Variants in NRG1 observed in about 807,000 individuals in gnomAD.
NRG1 encodes the protein neuregulin 1.
NRG1 carries 18 observed loss-of-function variants against 63.8 expected under a neutral mutation model. That is an observed-to-expected ratio of 0.28 (90% CI 0.19 to 0.42). The LOEUF (loss-of-function observed/expected upper bound fraction) is 0.42, where lower values mean the gene tolerates loss of function less well. Ranked by LOEUF, NRG1 falls within the 10% of genes least tolerant of loss-of-function variation. The pLI is 1.00. For missense variants in NRG1, 762 were observed against 814.7 expected, an observed-to-expected ratio of 0.94 and a Z score of 0.79; for synonymous variants, 302 against 301.3, an observed-to-expected ratio of 1.00 and a Z score of -0.02.
chr8:31,725,831 G>T (rs1813376449), intron 1 of NRG1, among the ~76,000 whole-genome samples: 1 of 152,152 alleles, frequency 6.6e-6, no homozygotes, highest in African/African-American at 2.4e-5. Flanking sequence ...AGGGTGAAGA[G>T]ATTTTCTTCA....
At chr8:32,014,095 C>T (rs969131212) in intron 1 of NRG1, among the ~76,000 whole-genome samples, 1 of 152,088 alleles carries the variant, frequency 6.6e-6, no homozygotes, top group African/African-American at 2.4e-5. Flanking sequence ...TGAAGAAAGT[C>T]AATGGTAGCT....
intron 1 of NRG1, among the ~76,000 whole-genome samples, chr8:32,572,446 A>G (rs1158797104): frequency 6.6e-6 from 1 of 152,176 alleles, no homozygotes; most frequent in Non-Finnish European, 1.5e-5. Flanking sequence ...TTATTAAGCC[A>G]AAACTTCATT....
At chr8:32,167,394 G>A (rs7845358) in intron 1 of NRG1, among the ~76,000 whole-genome samples, 2,013 of 152,184 alleles carry the variant, frequency 0.013, 54 homozygotes, top group African/African-American at 0.045. Flanking sequence ...CATATTGCAG[G>A]CACTCTGCAA....
chr8:32,438,766 T>C (rs1241751305), intron 1 of NRG1, among the ~76,000 whole-genome samples: 1 of 152,204 alleles, frequency 6.6e-6, no homozygotes, highest in Non-Finnish European at 1.5e-5. Flanking sequence ...GGTTTTACTT[T>C]GCATTTCTTT....
exon 12 of NRG1, chr8:32,763,873 C>T: frequency 6.2e-7 from 1 of 1,614,110 alleles, no homozygotes; most frequent in Non-Finnish European, 8.5e-7. Context: ...TCCATGCCTT[C>T]CATGGCGGTC....
chr8:32,384,815 T>G (rs1810778029), intron 1 of NRG1, among the ~76,000 whole-genome samples: 1 of 152,200 alleles, frequency 6.6e-6, no homozygotes, highest in Non-Finnish European at 1.5e-5. Context: ...ATTCCCCAAG[T>G]AACTTAGTGA....
intron 1 of NRG1, among the ~76,000 whole-genome samples, chr8:32,489,312 T>A (rs992772535): frequency 6.6e-6 from 1 of 152,220 alleles, no homozygotes; most frequent in African/African-American, 2.4e-5. Flanking sequence ...ATTTGGCCTC[T>A]TAGTGCATAT....
intron 1 of NRG1, among the ~76,000 whole-genome samples, chr8:32,096,952 A>G (rs1829978562): frequency 6.6e-6 from 1 of 151,662 alleles, no homozygotes; most frequent in Non-Finnish European, 1.5e-5. Context: ...TATTCCTTCT[A>G]TCTAACTGTA....
At chr8:32,647,883 G>T in intron 5 of NRG1, 1 of 1,614,086 alleles carries the variant, frequency 6.2e-7, no homozygotes, top group South Asian at 1.1e-5. Flanking sequence ...GGGCCTGGCC[G>T]TGCCCTGCTG....
intron 1 of NRG1, among the ~76,000 whole-genome samples, chr8:32,504,400 G>A (rs1828283301): frequency 6.6e-6 from 1 of 152,050 alleles, no homozygotes; most frequent in South Asian, 2.1e-4. Context: ...AAACATGTTG[G>A]TTATATTTAA....
chr8:31,842,122 C>T (rs989599249), intron 1 of NRG1, among the ~76,000 whole-genome samples: 2 of 152,190 alleles, frequency 1.3e-5, no homozygotes, highest in African/African-American at 2.4e-5. Flanking sequence ...TTGATTTACC[C>T]AGGGACAGAA....
At chr8:32,094,141 A>G (rs1173647336) in intron 1 of NRG1, among the ~76,000 whole-genome samples, 1 of 152,210 alleles carries the variant, frequency 6.6e-6, no homozygotes, top group Non-Finnish European at 1.5e-5. Context: ...CGTTGGCTAC[A>G]TAATTATGAG....
At chr8:32,698,915 C>A (rs1040420895) in intron 5 of NRG1, among the ~76,000 whole-genome samples, 19 of 152,186 alleles carry the variant, frequency 1.2e-4, no homozygotes, top group African/African-American at 4.6e-4. Flanking sequence ...CCAGACAGAA[C>A]TTCACCTAGA....
intron 6 of NRG1, among the ~76,000 whole-genome samples, chr8:32,732,342 G>A (rs189664367): frequency 9.0e-4 from 137 of 152,214 alleles, no homozygotes; most frequent in Non-Finnish European, 1.0e-3. Context: ...ATTTCCTCTT[G>A]CATCTTTTCT....
chr8:32,535,067 G>C (rs1028790075), intron 1 of NRG1, among the ~76,000 whole-genome samples: 1 of 152,134 alleles, frequency 6.6e-6, no homozygotes, highest in African/African-American at 2.4e-5. Flanking sequence ...TTGATGAAAG[G>C]AACCTTTTTC....
intron 1 of NRG1, among the ~76,000 whole-genome samples, chr8:32,574,956 C>G (rs1359675079): frequency 6.6e-6 from 1 of 152,206 alleles, no homozygotes; most frequent in Non-Finnish European, 1.5e-5. Flanking sequence ...ATCAGTTATG[C>G]TTCAACCTTG....
At chr8:32,771,930 G>A (rs1831833633), downstream of NRG1, among the ~76,000 whole-genome samples, 1 of 146,836 alleles carries the variant, frequency 6.8e-6, no homozygotes, top group Admixed American at 6.8e-5. Flanking sequence ...GGCTGAGGCA[G>A]GAGAATCACT....
chr8:32,223,121 A>G (rs1040199489), intron 1 of NRG1, among the ~76,000 whole-genome samples: 2 of 152,390 alleles, frequency 1.3e-5, no homozygotes, highest in South Asian at 4.1e-4. Context: ...TAGCAAAGAA[A>G]AAACAAGAAT....
At chr8:32,282,587 TCTCATCAGC>T (rs1279399501) in intron 1 of NRG1, among the ~76,000 whole-genome samples, 55 of 152,264 alleles carry the variant, frequency 3.6e-4, no homozygotes, top group African/African-American at 1.2e-3. Context: ...GAGCCGCTGT[TCTCATCAGC>T]CTCACCAAGC....
Sources: allele counts gnomAD v4.1 joint callset (sites outside exome capture counted in the v4.1 genomes callset), GRCh38; gene constraint gnomAD v4.1.1; transcripts MANE v1.5; gene names NCBI Gene and HGNC (gene_info 2026-07-23, HGNC 2026-07-21).